The following COL25A1 variants were observed in gnomAD, a reference collection of about 807,000 sequenced individuals.
COL25A1 encodes collagen alpha-1(XXV) chain.
Under a neutral mutation model 128.4 loss-of-function variants are expected in COL25A1, and 103 were observed. That is an observed-to-expected ratio of 0.80 (90% CI 0.68 to 0.94). COL25A1 has a LOEUF of 0.94. Among genes scored for constraint, COL25A1 ranks in the 40% least tolerant of loss-of-function variants. The probability of loss-of-function intolerance (pLI) is 0.00; values close to 1 mark genes in which losing one functional copy is unlikely to be tolerated. For missense variants in COL25A1, 745 were observed against 840.0 expected (o/e 0.89, Z 1.40); for synonymous variants, 279 against 277.2 (o/e 1.01, Z -0.06).
chr4:109,149,219 C>T (rs1771235342), intron 3 of COL25A1, among the ~76,000 whole-genome samples: 1 of 152,122 alleles, frequency 6.6e-6, no homozygotes, highest in East Asian at 1.9e-4. Context: ...AATGAATTTG[C>T]GATTGCCAAT....
intron 14 of COL25A1, among the ~76,000 whole-genome samples, chr4:108,900,637 C>T (rs1439882099): frequency 2.0e-5 from 3 of 152,082 alleles, no homozygotes; most frequent in African/African-American, 7.2e-5. Context: ...CAGACTACAT[C>T]CATTTTTAAA....
chr4:108,835,861 C>CTGTTTTTT (rs1733730833), intron 31 of COL25A1, among the ~76,000 whole-genome samples: 1 of 45,698 alleles, frequency 2.2e-5, no homozygotes, highest in Non-Finnish European at 3.7e-5. Context: ...TTACATACGT[C>CTGTTTTTT]TTTTTTTTTT....
At chr4:108,869,592 A>G (rs1444720027) in intron 19 of COL25A1, among the ~76,000 whole-genome samples, 1 of 152,208 alleles carries the variant, frequency 6.6e-6, no homozygotes, top group Non-Finnish European at 1.5e-5. Flanking sequence ...TAGGACACCC[A>G]GTTGGTGTCA....
At chr4:109,220,973 T>C (rs1778367184) in intron 3 of COL25A1, among the ~76,000 whole-genome samples, 1 of 152,098 alleles carries the variant, frequency 6.6e-6, no homozygotes, top group Admixed American at 6.6e-5. Flanking sequence ...CTGAATAATG[T>C]GGAAACTGAA....
At chr4:109,022,755 G>T (rs376121899) in intron 5 of COL25A1, among the ~76,000 whole-genome samples, 1 of 152,130 alleles carries the variant, frequency 6.6e-6, no homozygotes, top group Non-Finnish European at 1.5e-5. Context: ...TCAATGAAAT[G>T]AGCTTATTCT....
intron 3 of COL25A1, among the ~76,000 whole-genome samples, chr4:109,149,379 G>A (rs1425587369): frequency 6.6e-6 from 1 of 152,004 alleles, no homozygotes; most frequent in Non-Finnish European, 1.5e-5. Flanking sequence ...ATTCTTCGAC[G>A]TTCACCAATG....
At chr4:109,198,559 A>C (rs936831060) in intron 3 of COL25A1, among the ~76,000 whole-genome samples, 2 of 152,204 alleles carry the variant, frequency 1.3e-5, no homozygotes, top group African/African-American at 4.8e-5. Flanking sequence ...CCTCTTGAAA[A>C]GTCTGTAGAG....
chr4:108,920,789 T>C lies in COL25A1; in HGVS notation c.709-185A>G, dbSNP rs72897050. Among the ~76,000 whole-genome samples, 809 of 152,302 alleles carry C rather than the reference T, an allele frequency of 5.3e-3. 13 individuals carry two copies. Among genetic ancestry groups the C allele is most frequent in the African/African-American group, 0.017 (700 of 41,570 alleles). On this transcript the variant is annotated intron_variant, in intron 11 of 37. Transcript: ENST00000399132. ...CCAAGTGGATCTTTTCTTCTAATTT[T>C]CTTTTGAAAAACATTAAGCATATGC...
rs922730444 is a variant in COL25A1, at chr4:108,812,853, T to C, written c.*1074A>G. 10 of 152,136 alleles carry C rather than the reference T, an allele frequency of 6.6e-5. No homozygotes were observed. The highest frequency in any genetic ancestry group is 1.2e-4 in the Non-Finnish European group (8 of 68,038). The allele number at this position is 152,136 out of a possible 1,614,324, so 9.4% of individuals were successfully genotyped here. On this transcript the variant is annotated 3_prime_UTR_variant, in exon 38 of 38. Transcript: ENST00000399132. ...TTGGCTGATCCCTTCTCAGAACATG[T>C]TATTTCTTCAGCAACCCAAGTTTTG...
chr4:108,913,386 G>A, intron 13 of COL25A1, among the ~76,000 whole-genome samples: 1 of 149,756 alleles, frequency 6.7e-6, no homozygotes, highest in South Asian at 2.1e-4. Flanking sequence ...AGCATCCCAA[G>A]TAGCTGGGAT....
intron 28 of COL25A1, 124 bp downstream of exon 28, chr4:108,846,015 A>T (rs1418716101): frequency 1.6e-6 from 1 of 624,376 alleles, no homozygotes; most frequent in African/African-American, 1.9e-5. Context: ...ATTTCAAAAT[A>T]AAAATATGAG....
At chr4:109,125,345 T>A (rs116001977) in intron 3 of COL25A1, among the ~76,000 whole-genome samples, 4 of 152,068 alleles carry the variant, frequency 2.6e-5, no homozygotes, top group Non-Finnish European at 5.9e-5. Context: ...ACAGGGCAAA[T>A]AGCCTTCTCA....
chr4:109,239,388 G>GTATATA (rs1303125158), intron 3 of COL25A1, among the ~76,000 whole-genome samples: 13 of 90,172 alleles, frequency 1.4e-4, no homozygotes, highest in African/African-American at 6.0e-4. Context: ...GTGTGTGTGT[G>GTATATA]TGTGTGTATA....
chr4:108,838,438 T>C (rs1734058287), intron 31 of COL25A1, among the ~76,000 whole-genome samples: 3 of 152,226 alleles, frequency 2.0e-5, no homozygotes, highest in Admixed American at 2.0e-4. Flanking sequence ...AATTCCTAAA[T>C]TTTTCAGTTC....
At chr4:109,112,945 A>G (rs1209302760) in intron 3 of COL25A1, among the ~76,000 whole-genome samples, 1 of 152,122 alleles carries the variant, frequency 6.6e-6, no homozygotes, top group Non-Finnish European at 1.5e-5. Context: ...AATTCAGCTG[A>G]GCTTTCAACT....
chr4:108,886,037 A>G (rs1189662165), intron 18 of COL25A1, among the ~76,000 whole-genome samples: 1 of 152,242 alleles, frequency 6.6e-6, no homozygotes, highest in African/African-American at 2.4e-5. Flanking sequence ...TTTATAATGT[A>G]GATTGACTAC....
At chr4:109,002,361 A>G (rs1755526561) in intron 6 of COL25A1, among the ~76,000 whole-genome samples, 1 of 152,230 alleles carries the variant, frequency 6.6e-6, no homozygotes, top group African/African-American at 2.4e-5. Context: ...ATACATACAC[A>G]ATGGAATATT....
intron 3 of COL25A1, among the ~76,000 whole-genome samples, chr4:109,218,357 G>GTTTT (rs34056401): frequency 9.1e-4 from 67 of 73,546 alleles, no homozygotes; most frequent in Admixed American, 8.0e-3. Context: ...GTTTTTTGGG[G>GTTTT]TTTTTTTTTT....
chr4:108,843,078 G>C (rs1202072976), intron 30 of COL25A1, among the ~76,000 whole-genome samples: 1 of 149,530 alleles, frequency 6.7e-6, no homozygotes, highest in Non-Finnish European at 1.5e-5. Context: ...GAGCCTAGGA[G>C]GTAGAGGTTG....
Sources: allele counts gnomAD v4.1 joint callset (sites outside exome capture counted in the v4.1 genomes callset), GRCh38; gene constraint gnomAD v4.1.1; transcripts MANE v1.5; gene names NCBI Gene and HGNC (gene_info 2026-07-23, HGNC 2026-07-21).